WDTC1: variants seen among roughly 807,000 people sequenced by gnomAD.
The protein encoded by WDTC1 is WD and tetratricopeptide repeats 1, also known as WD and tetratricopeptide repeats protein 1.
WDTC1 carries 12 observed loss-of-function variants against 76.0 expected under a neutral mutation model. The observed-to-expected ratio is 0.16, with a 90% CI of 0.10 to 0.26. The LOEUF is 0.26. Ranked by LOEUF, WDTC1 falls within the 10% of genes least tolerant of loss-of-function variation. WDTC1 has a pLI of 1.00. For missense variants in WDTC1, 511 were observed against 908.8 expected (o/e 0.56, Z 5.63); for synonymous variants, 326 against 350.8 (o/e 0.93, Z 0.79).
At position 27,301,380 on chromosome 1, in the gene WDTC1, T is replaced by C; in HGVS notation, c.1387T>C (p.Phe463Leu). The C allele has an allele frequency of 6.2e-7, 1 of 1,614,022 alleles. No homozygotes were observed. The highest frequency in any genetic ancestry group is 8.5e-7 in the Non-Finnish European group (1 of 1,179,986). Residue 463 changes from phenylalanine (F) to leucine (L), a missense_variant, in exon 13 of 16, where the codon TTT becomes CTT. Coordinates refer to ENST00000319394, the MANE Select transcript of WDTC1 (RefSeq NM_001276252.2). This position sits in a 1 kb window ranked among gnomAD's most constrained non-coding sequence, Gnocchi z 5.8. ...GTGCCTGGACGACTTCAAAGGGAAATTTCCGGAGCAGGCCCACAGCAGCGC... is the reference window on the plus strand; with the variant it reads ...GTGCCTGGACGACTTCAAAGGGAAACTTCCGGAGCAGGCCCACAGCAGCGC... The part of the protein sequence containing the change: ...LECLDDFKGK[F>L]PEQAHSSACD...
At chr1:27,241,113 C>T (rs1316182393) in intron 1 of WDTC1, among the ~76,000 whole-genome samples, 1 of 152,064 alleles carries the variant, frequency 6.6e-6, no homozygotes, top group African/African-American at 2.4e-5. Flanking sequence ...TGAGGGTCAC[C>T]GTTGGCATTT....
intron 5 of WDTC1, among the ~76,000 whole-genome samples, chr1:27,287,105 G>A (rs1470293567): frequency 6.6e-6 from 1 of 151,444 alleles, no homozygotes; most frequent in African/African-American, 2.4e-5. Context: ...GGAAGTTGCA[G>A]TGAGCCGAGA....
chr1:27,306,044 C>T lies in WDTC1; in HGVS notation c.1837-142C>T, dbSNP rs1159135598. On this transcript the variant is annotated intron_variant, in intron 15 of 15. Coordinates refer to ENST00000319394, the MANE Select transcript of WDTC1 (RefSeq NM_001276252.2). This position sits in a 1 kb window ranked among gnomAD's most constrained non-coding sequence, Gnocchi z 5.0. ...AGCCAAGGTTGTGTGTTCCCCTCCA[C>T]CATATACACCTCCTGGCATGTATGT... The T allele has an allele frequency of 4.3e-6, 4 of 931,348 alleles. No homozygotes were observed. Among genetic ancestry groups the T allele is most frequent in the East Asian group, 5.3e-5 (2 of 37,984 alleles). 57.7% of individuals were successfully genotyped at this position (931,348 alleles called of 1,614,324 possible).
chr1:27,292,744 A>G lies in WDTC1; in HGVS notation c.662+347A>G, dbSNP rs1326543687. On this transcript the variant is annotated intron_variant, in intron 7 of 15. Transcript: ENST00000319394. ...GCCTGGCCCCTTCTTTTATTTATTT[A>G]TTTATTGTTTTACTTTTTTTTTTTT... is the stretch of plus-strand genomic sequence containing the variant. Among the ~76,000 whole-genome samples the G allele has an allele frequency of 3.5e-5, 3 of 86,500 alleles. No individual in the cohort carries two copies. The East Asian group carries it at 9.8e-4, about 28-fold the overall frequency. 56.7% of individuals were successfully genotyped at this position (86,500 alleles called of 152,430 possible). A position where few individuals can be genotyped will look rare whatever the true frequency, so the allele number is the denominator to read the frequency against.
At chr1:27,287,955 A>G in intron 6 of WDTC1, 94 bp downstream of exon 6, 1 of 1,455,076 alleles carries the variant, frequency 6.9e-7, no homozygotes. Context: ...TCCCTCCAGC[A>G]GAGGTCCAAC....
chr1:27,292,508 GC>G, intron 7 of WDTC1, 111 bp downstream of exon 7: 2 of 1,062,160 alleles, frequency 1.9e-6, no homozygotes, highest in Non-Finnish European at 2.6e-6. Flanking sequence ...GCTCACTGCA[GC>G]CTCAACCTCC....
chr1:27,281,048 C>G (rs1304903605), intron 3 of WDTC1, among the ~76,000 whole-genome samples: 1 of 151,684 alleles, frequency 6.6e-6, no homozygotes, highest in Non-Finnish European at 1.5e-5. Flanking sequence ...CCTAATTTAC[C>G]TTACTGCACC....
At position 27,301,980 on chromosome 1, in the gene WDTC1, C is replaced by G. The variant is rs529671364; in HGVS notation, c.1468+519C>G. Reference sequence around the variant, plus strand: ...TGTGGCCTTGAAGAAAGCACAGCCTCTCTACCTACCTGCACAAAGAGCACG... The same window carrying G: ...TGTGGCCTTGAAGAAAGCACAGCCTGTCTACCTACCTGCACAAAGAGCACG... On this transcript the variant is annotated intron_variant, in intron 13 of 15. Transcript: ENST00000319394. This position sits in a 1 kb window ranked among gnomAD's most constrained non-coding sequence, Gnocchi z 5.8. 2.6e-4 allele frequency among the ~76,000 whole-genome samples: 40 copies of G among 152,300 alleles called. No homozygotes were observed. The highest frequency in any genetic ancestry group is 8.4e-4 in the African/African-American group (35 of 41,572).
At chr1:27,304,780 T>G in intron 14 of WDTC1, 1 of 489,926 alleles carries the variant, frequency 2.0e-6, no homozygotes, top group African/African-American at 1.9e-5. Flanking sequence ...TAGGGGAGAC[T>G]GTCTTGGAGA....
At chr1:27,261,157 T>G in intron 2 of WDTC1, 55 bp downstream of exon 2, 1 of 1,606,676 alleles carries the variant, frequency 6.2e-7, no homozygotes, top group Non-Finnish European at 8.5e-7. Flanking sequence ...TCCCACAGAT[T>G]GATTTTACAG....
chr1:27,306,619 C>G lies in WDTC1; in HGVS notation c.*236C>G, dbSNP rs533198363. Reference sequence around the variant, plus strand: ...CTGAAAAAAAGAGCAGGAGGGGACACCCCTCCATATGCCCCCCCCCATCTC... The same window carrying G: ...CTGAAAAAAAGAGCAGGAGGGGACAGCCCTCCATATGCCCCCCCCCATCTC... On this transcript the variant is annotated 3_prime_UTR_variant, in exon 16 of 16. Transcript: ENST00000319394. This position sits in a 1 kb window ranked among gnomAD's most constrained non-coding sequence, Gnocchi z 5.0. 8 of 579,946 alleles carry G rather than the reference C, an allele frequency of 1.4e-5. No individual in the cohort carries two copies. Among genetic ancestry groups the G allele is most frequent in the Admixed American group, 3.1e-5 (1 of 32,284 alleles). The allele number at this position is 579,946 out of a possible 1,614,324, so 35.9% of individuals were successfully genotyped here.
chr1:27,273,943 G>A (rs992840266), intron 3 of WDTC1, among the ~76,000 whole-genome samples: 2 of 151,950 alleles, frequency 1.3e-5, no homozygotes, highest in Admixed American at 6.6e-5. Context: ...TACTATTCTT[G>A]CAAACTTTTT....
intron 1 of WDTC1, among the ~76,000 whole-genome samples, chr1:27,246,862 ATT>A (rs557734769): frequency 4.5e-5 from 4 of 89,208 alleles, no homozygotes; most frequent in African/African-American, 8.6e-5. Flanking sequence ...ACGCCCAGCC[ATT>A]TTTTTTTTTT....
chr1:27,264,628 CTTTGTTTTGT>C lies in WDTC1; in HGVS notation c.132+1422_132+1431del, dbSNP rs201984611. On this transcript the variant is annotated intron_variant, in intron 3 of 15. Coordinates refer to ENST00000319394, the MANE Select transcript of WDTC1 (RefSeq NM_001276252.2). ...CCTCAACATCATGTGTTTTGTGGGT[CTTTGTTTTGT>C]TTTGTTTTGTTTTGTTTTGTTTTGT... Among the ~76,000 whole-genome samples, 679 of 150,992 alleles carry C rather than the reference CTTTGTTTTGT, an allele frequency of 4.5e-3. 5 individuals are homozygous for C. In the East Asian group the frequency reaches 0.047, roughly 10 times the overall value.
intron 3 of WDTC1, 70 bp from the exon 4 acceptor site, chr1:27,282,169 T>C (rs2147960646): frequency 6.8e-7 from 1 of 1,474,998 alleles, no homozygotes; most frequent in South Asian, 1.1e-5. Flanking sequence ...TCAGTTCCAC[T>C]TCTTGGTGTT....
At chr1:27,252,708 G>T (rs565138824) in intron 1 of WDTC1, among the ~76,000 whole-genome samples, 51 of 151,938 alleles carry the variant, frequency 3.4e-4, no homozygotes, top group Admixed American at 1.8e-3. Flanking sequence ...AGAGGCATGA[G>T]AATTGCTTGA....
intron 9 of WDTC1, 59 bp downstream of exon 9, chr1:27,294,688 C>T (rs2013637007): frequency 6.8e-7 from 1 of 1,469,646 alleles, no homozygotes; most frequent in Non-Finnish European, 9.5e-7. Flanking sequence ...CAGCCAGGGG[C>T]ATGTACCTTA....
chr1:27,269,621 G>GTTTTTTTTTTTTTTTTTTTTT (rs538857228), intron 3 of WDTC1, among the ~76,000 whole-genome samples: 3 of 126,870 alleles, frequency 2.4e-5, no homozygotes, highest in Non-Finnish European at 4.7e-5. Flanking sequence ...TTTTTTTTCG[G>GTTTTTTTTTTTTTTTTTTTTT]TTTTTTTTTT....
intron 1 of WDTC1, 53 bp downstream of exon 1, chr1:27,235,004 C>T (rs936333702): frequency 8.0e-6 from 3 of 377,046 alleles, no homozygotes; most frequent in African/African-American, 6.3e-5. Context: ...CGGGGACCGG[C>T]TCCCGCAGCC....
Sources: allele counts gnomAD v4.1 joint callset (sites outside exome capture counted in the v4.1 genomes callset), GRCh38; gene constraint gnomAD v4.1.1; non-coding constraint Gnocchi (gnomAD v3.1); transcripts MANE v1.5; gene names NCBI Gene and HGNC (gene_info 2026-07-23, HGNC 2026-07-21).